Variants in ALG8 observed in about 807,000 individuals in gnomAD.
ALG8 encodes the protein ALG8 alpha-1,3-glucosyltransferase.
In ALG8, 48 loss-of-function variants were observed where a neutral mutation model predicts 70.2. The observed-to-expected ratio is 0.68, with a 90% confidence interval of 0.54 to 0.87. ALG8 has a LOEUF of 0.87. Among genes scored for constraint, ALG8 ranks in the 40% least tolerant of loss-of-function variants. ALG8 has a pLI of 0.00. For synonymous variants in ALG8, 234 were observed against 229.0 expected (o/e 1.02, Z -0.20); for missense variants, 572 against 608.7 (o/e 0.94, Z 0.64).
At chr11:78,128,898 G>C (rs911562928) in intron 1 of ALG8, among the ~76,000 whole-genome samples, 2 of 151,812 alleles carry the variant, frequency 1.3e-5, no homozygotes, top group Non-Finnish European at 2.9e-5. Context: ...ACAGGCATGA[G>C]CCACCATGCC....
At chr11:78,115,125 T>A (rs1860498531) in intron 5 of ALG8, among the ~76,000 whole-genome samples, 1 of 152,166 alleles carries the variant, frequency 6.6e-6, no homozygotes, top group South Asian at 2.1e-4. Flanking sequence ...CTCCGCCTCC[T>A]CGGTTCAAGC....
chr11:78,111,534 C>T (rs1451783264), intron 8 of ALG8, among the ~76,000 whole-genome samples: 1 of 152,190 alleles, frequency 6.6e-6, no homozygotes, highest in Non-Finnish European at 1.5e-5. Flanking sequence ...AGGCCAACAG[C>T]CAAATGTAGC....
chr11:78,134,517 C>A (rs761336478), intron 1 of ALG8, among the ~76,000 whole-genome samples: 45 of 152,204 alleles, frequency 3.0e-4, no homozygotes, highest in Non-Finnish European at 5.1e-4. Context: ...AAAGATTCCT[C>A]TAGTATGCAA....
In ALG8 at chr11:78,123,326, A is replaced by AG. The variant is rs1183633382; in HGVS notation, c.368+694_368+695insC. Among the ~76,000 whole-genome samples the AG allele has an allele frequency of 5.3e-5, 5 of 94,358 alleles. No individual in the cohort carries two copies. The South Asian group carries it at 9.8e-4, about 18-fold the overall frequency. 61.9% of individuals were successfully genotyped at this position (94,358 alleles called of 152,430 possible). A position where few individuals can be genotyped will look rare whatever the true frequency, so the allele number is the denominator to read the frequency against. On this transcript the variant is annotated intron_variant, in intron 3 of 12. Transcript: ENST00000299626. ...TCAGGGAAAAAAAAGAAAAAAAAAA[A>AG]AAAAAAAAAAGAAAAAAAAGAATTA...
chr11:78,136,510 C>A (rs568270331), intron 1 of ALG8, among the ~76,000 whole-genome samples: 2 of 152,036 alleles, frequency 1.3e-5, no homozygotes, highest in Admixed American at 1.3e-4. Context: ...GTACTTCACC[C>A]TGGGAGATAG....
chr11:78,113,923 A>C lies in ALG8; in HGVS notation c.740T>G (p.Leu247Ter), dbSNP rs1398992894. ...AGGACCCAATGAAAGAGCAGAAACT[A>C]AGAAAACAACCAGTCCCAGGGAAAT... ...RVISLGLVVF[L>*]VSALSLGPFL... Residue 247 changes from leucine (L) to a stop codon, truncating the protein, a stop_gained, in exon 7 of 13, where the codon TTA becomes TGA. Transcript: ENST00000299626. LOFTEE classifies it high-confidence loss of function. The C allele has an allele frequency of 1.2e-6, 2 of 1,607,424 alleles. No individual in the cohort carries two copies. Among genetic ancestry groups the C allele is most frequent in the Non-Finnish European group, 1.7e-6 (2 of 1,176,954 alleles).
In ALG8 at chr11:78,106,836, T is replaced by G. The variant is rs1173156511; in HGVS notation, c.1149A>C (p.Lys383Asn). The change falls in exon 10 of 13, where the codon AAA (lysine) becomes AAC (asparagine). Residue 383 changes from lysine to asparagine, a missense_variant. Lys to Asn is a moderately conservative substitution (Grantham distance 94). Transcript: ENST00000299626. Reference protein sequence around the residue: ...SFMFGWHVHEKAILLAILPMS... With the variant: ...SFMFGWHVHENAILLAILPMS... ...TTGGGAGAATTGCTAGAAGTATGGC[T>G]TTTTCATGAACATGCCACCCAAACA... The G allele has an allele frequency of 6.2e-7, 1 of 1,613,972 alleles. No homozygotes were observed. Among genetic ancestry groups the G allele is most frequent in the Non-Finnish European group, 8.5e-7 (1 of 1,180,000 alleles).
At chr11:78,127,686 A>G (rs779199741) in intron 1 of ALG8, among the ~76,000 whole-genome samples, 43 of 151,466 alleles carry the variant, frequency 2.8e-4, no homozygotes, top group Non-Finnish European at 5.0e-4. Context: ...GGCTGACAAG[A>G]AGCCCAGACT....
chr11:78,135,436 G>C (rs572653753), intron 1 of ALG8: 3 of 152,140 alleles, frequency 2.0e-5, no homozygotes, highest in Non-Finnish European at 4.4e-5. Flanking sequence ...TTAAGGTTGG[G>C]CACAGGGGCT....
intron 1 of ALG8, among the ~76,000 whole-genome samples, chr11:78,136,150 A>G (rs1263619549): frequency 6.6e-6 from 1 of 152,068 alleles, no homozygotes; most frequent in Non-Finnish European, 1.5e-5. Flanking sequence ...AGCCTGACAA[A>G]GTGAAACACT....
chr11:78,132,483 C>G (rs917246695), intron 1 of ALG8, among the ~76,000 whole-genome samples: 1 of 152,140 alleles, frequency 6.6e-6, no homozygotes, highest in Non-Finnish European at 1.5e-5. Flanking sequence ...AAATCAAAAT[C>G]TAAATTTTTC....
chr11:78,132,029 A>G (rs555644461), intron 1 of ALG8, among the ~76,000 whole-genome samples: 1 of 152,130 alleles, frequency 6.6e-6, no homozygotes, highest in Admixed American at 6.5e-5. Context: ...ATTTCTCACC[A>G]TCCTCCCACC....
In ALG8 at chr11:78,100,981, T is replaced by G. The variant is rs746950113; in HGVS notation, c.1564A>C (p.Lys522Gln). 1.2e-6 allele frequency: 2 copies of G among 1,614,144 alleles called. No individual in the cohort carries two copies. The highest frequency in any genetic ancestry group is 1.1e-5 in the South Asian group (1 of 91,088). ...VSVLIDSAIG[K>Q]TKKQ The stretch of plus-strand genomic sequence containing the variant: ...TCCTTTATTCATTGTTTCTTTGTCT[T>G]GCCAATAGCAGAGTCAATCAATACT... Residue 522 changes from lysine to glutamine, a missense_variant, in exon 13 of 13, where the codon AAG becomes CAG. By Grantham distance (53) the Lys-to-Gln change is moderately conservative. Transcript: ENST00000299626.
At chr11:78,133,775 G>A (rs528198128) in intron 1 of ALG8, among the ~76,000 whole-genome samples, 30 of 152,028 alleles carry the variant, frequency 2.0e-4, no homozygotes, top group African/African-American at 7.2e-4. Flanking sequence ...GGTGAGGGGC[G>A]CCTGTAGGGT....
intron 3 of ALG8, among the ~76,000 whole-genome samples, chr11:78,121,837 C>G (rs1431449090): frequency 6.6e-6 from 1 of 152,166 alleles, no homozygotes; most frequent in Admixed American, 6.6e-5. Context: ...CACCTCCTGA[C>G]TGTCCAAATT....
At chr11:78,112,875 G>T in intron 7 of ALG8, 105 bp from the exon 8 acceptor site, 3 of 1,412,068 alleles carry the variant, frequency 2.1e-6, no homozygotes, top group Non-Finnish European at 2.9e-6. Context: ...AAAGTTATGG[G>T]GTCTGGGTTC....
In ALG8 at chr11:78,104,055, GT is replaced by G; in HGVS notation, c.1277-4del. ...GAGTAAGATTTTAATGGGAAGTTCT[GT>G]TAAAAGAATAGAAAAAAAAAGATAA... On this transcript the variant is annotated splice_region_variant and splice_polypyrimidine_tract_variant and intron_variant, in intron 11 of 12. Coordinates refer to ENST00000299626, the MANE Select transcript of ALG8 (RefSeq NM_024079.5). The G allele has an allele frequency of 6.8e-7, 1 of 1,471,878 alleles. No homozygotes were observed. The highest frequency in any genetic ancestry group is 9.5e-7 in the Non-Finnish European group (1 of 1,055,534). The allele number at this position is 1,471,878 out of a possible 1,614,324, so 91.2% of individuals were successfully genotyped here. A position where few individuals can be genotyped will look rare whatever the true frequency, so the allele number is the denominator to read the frequency against.
chr11:78,136,324 CA>C (rs1861550211), intron 1 of ALG8, among the ~76,000 whole-genome samples: 1 of 150,758 alleles, frequency 6.6e-6, no homozygotes, highest in Non-Finnish European at 1.5e-5. Context: ...AAAAACAAAC[CA>C]AAACAAAACA....
intron 1 of ALG8, chr11:78,137,445 A>G (rs1861599627): frequency 1.3e-5 from 2 of 152,048 alleles, no homozygotes; most frequent in South Asian, 4.2e-4. Flanking sequence ...CTGCACTCAC[A>G]ACTTGGCTGT....
Sources: allele counts gnomAD v4.1 joint callset (sites outside exome capture counted in the v4.1 genomes callset), GRCh38; gene constraint gnomAD v4.1.1; transcripts MANE v1.5; gene names NCBI Gene and HGNC (gene_info 2026-07-23, HGNC 2026-07-21).